The following FNDC3A variants were observed in gnomAD, a reference collection of about 807,000 sequenced individuals.
The protein encoded by FNDC3A is fibronectin type-III domain-containing protein 3A.
In FNDC3A, 32 loss-of-function variants were observed where a neutral mutation model predicts 148.9. The observed-to-expected ratio is 0.21, with a 90% CI of 0.16 to 0.29. FNDC3A has a LOEUF of 0.29. FNDC3A is among the 10% of genes least tolerant of loss of function. The probability of loss-of-function intolerance (pLI) is 1.00; values close to 1 mark genes in which losing one functional copy is unlikely to be tolerated. For missense variants in FNDC3A, 1,191 were observed against 1,452.8 expected, an observed-to-expected ratio of 0.82 and a Z score of 2.93; for synonymous variants, 472 against 473.6, an observed-to-expected ratio of 1.00 and a Z score of 0.04.
intron 4 of FNDC3A, among the ~76,000 whole-genome samples, chr13:49,128,324 G>A (rs1316015537): frequency 2.0e-5 from 3 of 152,030 alleles, no homozygotes; most frequent in Non-Finnish European, 1.5e-5. Flanking sequence ...GCCTCCCTAC[G>A]ATCTCTTCTC....
intron 2 of FNDC3A, among the ~76,000 whole-genome samples, chr13:49,019,936 C>A (rs1873192842): frequency 6.6e-6 from 1 of 152,122 alleles, no homozygotes; most frequent in South Asian, 2.1e-4. Context: ...TCAGTGAAAT[C>A]TTCTGAACCT....
chr13:49,205,278 A>G (rs1886596867), intron 25 of FNDC3A, among the ~76,000 whole-genome samples: 1 of 152,238 alleles, frequency 6.6e-6, no homozygotes, highest in Non-Finnish European at 1.5e-5. Context: ...ATGGAATGGT[A>G]TATGAAGACA....
intron 2 of FNDC3A, among the ~76,000 whole-genome samples, chr13:49,049,587 T>C (rs528349070): frequency 6.6e-6 from 1 of 152,356 alleles, no homozygotes; most frequent in African/African-American, 2.4e-5. Context: ...GTTTTCTAAT[T>C]TATACACATA....
At chr13:49,003,851 T>TCTACATAGAG (rs1952172694) in intron 1 of FNDC3A, among the ~76,000 whole-genome samples, 1 of 152,192 alleles carries the variant, frequency 6.6e-6, no homozygotes, top group Non-Finnish European at 1.5e-5. Flanking sequence ...TTTACAAGCT[T>TCTACATAGAG]CTACATAGAG....
At chr13:49,202,371 C>A (rs185674170) in intron 24 of FNDC3A, among the ~76,000 whole-genome samples, 3 of 152,216 alleles carry the variant, frequency 2.0e-5, no homozygotes, top group African/African-American at 7.2e-5. Context: ...AAAACAAATT[C>A]TTCATTAATG....
chr13:49,016,651 A>G (rs1253330083), intron 2 of FNDC3A, among the ~76,000 whole-genome samples: 1 of 151,836 alleles, frequency 6.6e-6, no homozygotes, highest in African/African-American at 2.4e-5. Flanking sequence ...TAGCTTTTGA[A>G]TGTGTTTGCT....
At chr13:49,172,242 G>T in intron 11 of FNDC3A, 146 bp downstream of exon 11, 3 of 474,416 alleles carry the variant, frequency 6.3e-6, no homozygotes, top group South Asian at 4.4e-5. Flanking sequence ...GTGGATTGAT[G>T]GTGTTTTCAG....
chr13:49,046,789 TC>T (rs1345084673), intron 2 of FNDC3A: 2 of 152,204 alleles, frequency 1.3e-5, no homozygotes, highest in Non-Finnish European at 2.9e-5. Context: ...TACCCAGTCT[TC>T]CGCCTTTGTG....
chr13:49,092,044 C>CA (rs1233139515), intron 3 of FNDC3A, among the ~76,000 whole-genome samples: 1 of 152,198 alleles, frequency 6.6e-6, no homozygotes, highest in African/African-American at 2.4e-5. Context: ...GGCCTTGCCC[C>CA]AAAATCCTAG....
chr13:49,038,079 C>G (rs796384080), intron 2 of FNDC3A, among the ~76,000 whole-genome samples: 5 of 152,190 alleles, frequency 3.3e-5, no homozygotes, highest in African/African-American at 1.2e-4. Flanking sequence ...GTTTGGCCAT[C>G]CAGCGGCCGA....
chr13:49,182,262 T>C (rs1013259598), intron 14 of FNDC3A, among the ~76,000 whole-genome samples: 1 of 152,282 alleles, frequency 6.6e-6, no homozygotes, highest in African/African-American at 2.4e-5. Flanking sequence ...GTACTAGGAT[T>C]ACAGGCATGA....
intron 8 of FNDC3A, among the ~76,000 whole-genome samples, chr13:49,147,098 A>G (rs896553651): frequency 2.0e-5 from 3 of 152,194 alleles, no homozygotes. Context: ...TTTCCTCTCT[A>G]TTGAGATTTC....
At chr13:48,986,385 GTTTTTTTTTTTTTTT>G (rs869031197) in intron 1 of FNDC3A, among the ~76,000 whole-genome samples, 1 of 54,412 alleles carries the variant, frequency 1.8e-5, no homozygotes, top group African/African-American at 7.8e-5. Flanking sequence ...GAAGGAAGTT[GTTTTTTTTTTTTTTT>G]TTTTTTTTTT....
intron 8 of FNDC3A, chr13:49,146,596 G>A (rs1008484311): frequency 1.3e-5 from 2 of 152,140 alleles, no homozygotes; most frequent in Non-Finnish European, 2.9e-5. Flanking sequence ...AATTAGCCAG[G>A]GGTGGTGGCA....
At chr13:49,037,138 C>T (rs1874552510) in intron 2 of FNDC3A, among the ~76,000 whole-genome samples, 1 of 152,086 alleles carries the variant, frequency 6.6e-6, no homozygotes, top group Non-Finnish European at 1.5e-5. Flanking sequence ...GAGGCAAGTC[C>T]TTAAATTGAA....
chr13:49,018,695 C>T (rs984122452), intron 2 of FNDC3A, among the ~76,000 whole-genome samples: 7 of 152,254 alleles, frequency 4.6e-5, no homozygotes, highest in African/African-American at 1.7e-4. Flanking sequence ...TTAGAGTTTC[C>T]AGTTTTTCTG....
rs140597598 is a variant in FNDC3A, at chr13:49,163,469, G to A, written c.978-3775G>A. ...CCTGGATATAATCTCCTGGTGTGCC[G>A]TTTGCTGAGACCATTGGAAAAGCAC... On this transcript the variant is annotated intron_variant, in intron 8 of 25. Coordinates refer to ENST00000492622, the MANE Select transcript of FNDC3A (RefSeq NM_001079673.2). Among the ~76,000 whole-genome samples, 643 of 152,298 alleles carry A rather than the reference G, an allele frequency of 4.2e-3. 4 individuals are homozygous for A. Among genetic ancestry groups the A allele is most frequent in the African/African-American group, 0.015 (605 of 41,560 alleles).
Position 48,975,967 on chromosome 13 carries a change from A to G in FNDC3A, c.-250A>G, listed in dbSNP as rs1344444725. 1.3e-5 allele frequency: 2 copies of G among 152,458 alleles called. No homozygotes were observed. The highest frequency in any genetic ancestry group is 1.5e-5 in the Non-Finnish European group (1 of 68,332). The allele number at this position is 152,458 out of a possible 1,614,324, so 9.4% of individuals were successfully genotyped here. A position where few individuals can be genotyped will look rare whatever the true frequency, so the allele number is the denominator to read the frequency against. On this transcript the variant is annotated 5_prime_UTR_variant, in exon 1 of 26. Coordinates refer to ENST00000492622, the MANE Select transcript of FNDC3A (RefSeq NM_001079673.2). ...CGGCGTTCGTGGTCCCTCGGGTGAA[A>G]CAGAAAGCGGGAGCTACGCGGAGAG...
At chr13:49,056,170 G>C (rs942217418) in intron 2 of FNDC3A, among the ~76,000 whole-genome samples, 1 of 150,700 alleles carries the variant, frequency 6.6e-6, no homozygotes, top group Non-Finnish European at 1.5e-5. Context: ...CTGGGCATCA[G>C]AGCAAGACCC....
Sources: allele counts gnomAD v4.1 joint callset (sites outside exome capture counted in the v4.1 genomes callset), GRCh38; gene constraint gnomAD v4.1.1; transcripts MANE v1.5; gene names NCBI Gene and HGNC (gene_info 2026-07-23, HGNC 2026-07-21).